The following ZBTB40 variants were observed in gnomAD, a reference collection of about 807,000 sequenced individuals.
ZBTB40 encodes the protein zinc finger and BTB domain containing 40.
In ZBTB40, 60 loss-of-function variants were observed where a neutral mutation model predicts 117.5. That is an observed-to-expected ratio of 0.51 (90% CI 0.41 to 0.63). The LOEUF (loss-of-function observed/expected upper bound fraction) is 0.63. Ranked by LOEUF, ZBTB40 falls within the 30% of genes least tolerant of loss-of-function variation. The probability of loss-of-function intolerance (pLI) is 0.00; values close to 1 mark genes in which losing one functional copy is unlikely to be tolerated. For missense variants in ZBTB40, 1,287 were observed against 1,498.5 expected, an observed-to-expected ratio of 0.86 and a Z score of 2.33; for synonymous variants, 525 against 577.1, an observed-to-expected ratio of 0.91 and a Z score of 1.29.
chr1:22,465,314 C>T (rs775064671), intron 1 of ZBTB40, among the ~76,000 whole-genome samples: 2 of 152,190 alleles, frequency 1.3e-5, no homozygotes, highest in Non-Finnish European at 2.9e-5. Context: ...CTGAAGTTCT[C>T]AGCAGAGAGG....
intron 6 of ZBTB40, among the ~76,000 whole-genome samples, chr1:22,507,668 C>T (rs1043953799): frequency 2.0e-5 from 3 of 152,224 alleles, no homozygotes; most frequent in Non-Finnish European, 4.4e-5. Context: ...TCCTCTACCT[C>T]AGGCTTGACA....
Position 22,524,371 on chromosome 1 carries a change from A to G in ZBTB40, c.3452A>G (p.Asp1151Gly). The G allele has an allele frequency of 6.2e-7, 1 of 1,614,172 alleles. No homozygotes were observed. The highest frequency in any genetic ancestry group is 8.5e-7 in the Non-Finnish European group (1 of 1,180,042). ...CTCTTCACCTCCCAGGCCCAGCTTG[A>G]CAGTCACCTGGAATCTGAGCACCCA... The part of the protein sequence containing the change: ...GELFTSQAQL[D>G]SHLESEHPKV... Residue 1151 changes from aspartate (D) to glycine (G), a missense_variant, in exon 17 of 18, where the codon GAC becomes GGC. Around this residue, in one of 2 missense-constraint regions of ZBTB40, gnomAD observed 417 missense variants for 564.1 expected, o/e 0.74. Coordinates refer to ENST00000375647, the MANE Select transcript of ZBTB40 (RefSeq NM_014870.4).
At chr1:22,503,047 AATATCT>A (rs1638985013) in intron 5 of ZBTB40, among the ~76,000 whole-genome samples, 2 of 151,928 alleles carry the variant, frequency 1.3e-5, no homozygotes, top group African/African-American at 4.8e-5. Context: ...CTTTTTACCT[AATATCT>A]TAATACATGT....
intron 13 of ZBTB40, among the ~76,000 whole-genome samples, chr1:22,518,542 C>T (rs2124468015): frequency 6.6e-6 from 1 of 152,238 alleles, no homozygotes; most frequent in East Asian, 1.9e-4. Flanking sequence ...GCTCTTCTTC[C>T]CTCCCCACCC....
intron 1 of ZBTB40, among the ~76,000 whole-genome samples, chr1:22,431,617 T>A (rs1640591187): frequency 1.3e-5 from 2 of 151,724 alleles, no homozygotes; most frequent in African/African-American, 2.4e-5. Flanking sequence ...GCACCTGCAA[T>A]CCCAGCTACT....
Position 22,490,099 on chromosome 1 carries a change from A to G in ZBTB40, c.151A>G (p.Thr51Ala). 1 of 1,613,960 alleles carries G rather than the reference A, an allele frequency of 6.2e-7. No individual in the cohort carries two copies. The highest frequency in any genetic ancestry group is 8.5e-7 in the Non-Finnish European group (1 of 1,179,994). The change falls in exon 2 of 18, where the codon ACC becomes GCC. Residue 51 changes from threonine (T) to alanine (A), a missense_variant. Around this residue, in one of 2 missense-constraint regions of ZBTB40, gnomAD observed 870 missense variants for 934.4 expected, o/e 0.93. Transcript: ENST00000375647. ...VLAAASLLFK[T>A]LLDNTDTISI... The stretch of plus-strand genomic sequence containing the variant: ...GGCTGCTGCCAGCCTCCTGTTCAAA[A>G]CCCTGCTGGATAACACAGATACCAT...
At chr1:22,517,635 C>T (rs1639409513) in intron 13 of ZBTB40, 171 bp downstream of exon 13, 1 of 773,524 alleles carries the variant, frequency 1.3e-6, no homozygotes, top group East Asian at 2.7e-5. Context: ...GGAAGAATCT[C>T]ATTTTAAGGT....
At chr1:22,520,306 C>T (rs1639488628) in intron 14 of ZBTB40, 31 bp downstream of exon 14, 1 of 1,573,580 alleles carries the variant, frequency 6.4e-7, no homozygotes, top group Admixed American at 1.7e-5. Context: ...GAGCTCTTCC[C>T]CTCACCCCTG....
At chr1:22,461,502 C>T (rs929796950) in intron 1 of ZBTB40, among the ~76,000 whole-genome samples, 1 of 152,100 alleles carries the variant, frequency 6.6e-6, no homozygotes, top group African/African-American at 2.4e-5. Flanking sequence ...AGTTAACCCT[C>T]TTGACATACT....
intron 1 of ZBTB40, among the ~76,000 whole-genome samples, chr1:22,465,838 C>A (rs540370700): frequency 3.3e-5 from 5 of 152,168 alleles, no homozygotes; most frequent in Non-Finnish European, 7.4e-5. Context: ...CTCATATCTG[C>A]AGCCACAACT....
intron 1 of ZBTB40, among the ~76,000 whole-genome samples, chr1:22,469,549 T>TTTTTTTG (rs1641349221): frequency 6.6e-6 from 1 of 152,106 alleles, no homozygotes; most frequent in African/African-American, 2.4e-5. Flanking sequence ...GGTTTTTTTG[T>TTTTTTTG]TTTTTTGTTT....
At chr1:22,468,744 C>T (rs1641328634) in intron 1 of ZBTB40, among the ~76,000 whole-genome samples, 1 of 148,376 alleles carries the variant, frequency 6.7e-6, no homozygotes, top group South Asian at 2.1e-4. Context: ...AGTAATCCTC[C>T]TGCCTTGGCC....
intron 1 of ZBTB40, among the ~76,000 whole-genome samples, chr1:22,471,355 G>A (rs1641399596): frequency 6.6e-6 from 1 of 152,260 alleles, no homozygotes; most frequent in African/African-American, 2.4e-5. Context: ...TGATGGCAGT[G>A]AGCCCAGAAA....
At chr1:22,462,767 C>T (rs754456265) in intron 1 of ZBTB40, among the ~76,000 whole-genome samples, 5 of 152,280 alleles carry the variant, frequency 3.3e-5, no homozygotes, top group Admixed American at 2.6e-4. Context: ...TATGAGAAGT[C>T]GGACTCTCCC....
At chr1:22,486,713 A>AT (rs1022531007) in intron 1 of ZBTB40, among the ~76,000 whole-genome samples, 2 of 14,416 alleles carry the variant, frequency 1.4e-4, no homozygotes, top group South Asian at 2.2e-3. Flanking sequence ...TTGTTCATAC[A>AT]TTTTTTTTGT....
chr1:22,531,086 A>T lies in ZBTB40; in HGVS notation c.*4690A>T, dbSNP rs1639816008. 2.6e-5 allele frequency: 4 copies of T among 152,214 alleles called. No individual in the cohort carries two copies. The South Asian group carries it at 8.3e-4, about 32-fold the overall frequency. The allele number at this position is 152,214 out of a possible 1,614,324, so 9.4% of individuals were successfully genotyped here. ...CCCTACAGAATTGTAGTATGAATTA[A>T]AAGTCTGGATTTAATGTATTTAATA... On this transcript the variant is annotated 3_prime_UTR_variant, in exon 18 of 18. Transcript: ENST00000375647.
chr1:22,508,011 C>A lies in ZBTB40; in HGVS notation c.1371C>A (p.Ser457Arg). Residue 457 changes from serine to arginine, a missense_variant, in exon 7 of 18, where the codon AGC (serine) becomes AGA (arginine). By Grantham distance (110) the Ser-to-Arg change is moderately radical. Coordinates refer to ENST00000375647, the MANE Select transcript of ZBTB40 (RefSeq NM_014870.4). ...ATLPSTTVQP[S>R]PDDYGTELLR... ...CTAATATCCTTACAGTCCAACCAAG[C>A]CCTGATGATTATGGGACTGAGCTAT... The A allele has an allele frequency of 6.2e-7, 1 of 1,614,094 alleles. No homozygotes were observed. The highest frequency in any genetic ancestry group is 8.5e-7 in the Non-Finnish European group (1 of 1,180,034).
chr1:22,468,643 C>CTTTTTTTTTTTTTTTTTTTT (rs71020424), intron 1 of ZBTB40, among the ~76,000 whole-genome samples: 1 of 28,600 alleles, frequency 3.5e-5, no homozygotes. Flanking sequence ...GCCTGGCTGG[C>CTTTTTTTTTTTTTTTTTTTT]TTTTTTTTTT....
intron 1 of ZBTB40, among the ~76,000 whole-genome samples, chr1:22,461,512 T>G (rs753430180): frequency 6.6e-6 from 1 of 152,112 alleles, no homozygotes; most frequent in Non-Finnish European, 1.5e-5. Flanking sequence ...CTTGACATAC[T>G]CCCTGGTGAT....
Sources: allele counts gnomAD v4.1 joint callset (sites outside exome capture counted in the v4.1 genomes callset), GRCh38; gene constraint gnomAD v4.1.1; regional missense constraint gnomAD v4.1.1; transcripts MANE v1.5; gene names NCBI Gene and HGNC (gene_info 2026-07-23, HGNC 2026-07-21).